The following NKAIN3 variants were observed in gnomAD, a reference collection of about 807,000 sequenced individuals.
NKAIN3 encodes sodium/potassium transporting ATPase interacting 3, also known as sodium/potassium-transporting ATPase subunit beta-1-interacting protein 3.
NKAIN3 carries 25 observed loss-of-function variants against 30.2 expected under a neutral mutation model. That is an observed-to-expected ratio of 0.83 (90% CI 0.60 to 1.16). NKAIN3 has a LOEUF of 1.16. NKAIN3 is among the 50% of genes most tolerant of loss of function. The pLI is 0.00. For synonymous variants in NKAIN3, 91 were observed against 89.6 expected (o/e 1.02, Z -0.09); for missense variants, 225 against 254.1 (o/e 0.89, Z 0.78).
chr8:62,638,099 A>G (rs1812189485), intron 3 of NKAIN3, among the ~76,000 whole-genome samples: 1 of 152,110 alleles, frequency 6.6e-6, no homozygotes, highest in Non-Finnish European at 1.5e-5. Context: ...TCCTCCAACT[A>G]TGAGTGTTCC....
chr8:62,725,836 T>C (rs896607197), intron 3 of NKAIN3, among the ~76,000 whole-genome samples: 3 of 152,104 alleles, frequency 2.0e-5, no homozygotes, highest in Non-Finnish European at 4.4e-5. Flanking sequence ...GTGTATTTTG[T>C]GGTTTCATAT....
chr8:62,610,499 C>T (rs1194811443), intron 3 of NKAIN3, among the ~76,000 whole-genome samples: 1 of 152,044 alleles, frequency 6.6e-6, no homozygotes, highest in African/African-American at 2.4e-5. Flanking sequence ...GTGTCACAGA[C>T]AGAATCTTTA....
At chr8:62,481,444 T>A (rs1869015) in intron 1 of NKAIN3, among the ~76,000 whole-genome samples, 12,077 of 152,142 alleles carry the variant, frequency 0.079, 566 homozygotes, top group African/African-American at 0.12. Flanking sequence ...ACTCTATCAT[T>A]GGACTTACCA....
At chr8:62,802,548 A>G (rs1165998780) in intron 4 of NKAIN3, among the ~76,000 whole-genome samples, 1 of 152,190 alleles carries the variant, frequency 6.6e-6, no homozygotes, top group African/African-American at 2.4e-5. Context: ...AAAATACTTT[A>G]CAGACAAGCA....
intron 1 of NKAIN3, among the ~76,000 whole-genome samples, chr8:62,256,183 G>A (rs1812254687): frequency 6.6e-6 from 1 of 151,934 alleles, no homozygotes; most frequent in Admixed American, 6.6e-5. Context: ...GAGACTGAGG[G>A]GGGAGGATCA....
intron 1 of NKAIN3, among the ~76,000 whole-genome samples, chr8:62,294,129 G>A (rs555321930): frequency 1.8e-4 from 27 of 152,266 alleles, no homozygotes; most frequent in South Asian, 4.1e-4. Context: ...TCCAGGTACC[G>A]TCTGTCACGG....
intron 3 of NKAIN3, among the ~76,000 whole-genome samples, chr8:62,693,051 T>G (rs1814032803): frequency 6.6e-6 from 1 of 152,186 alleles, no homozygotes; most frequent in Non-Finnish European, 1.5e-5. Context: ...ATCCTCTCTT[T>G]CCCTCATTTC....
chr8:62,858,410 C>T (rs1202887958), intron 4 of NKAIN3, among the ~76,000 whole-genome samples: 1 of 152,174 alleles, frequency 6.6e-6, no homozygotes, highest in Non-Finnish European at 1.5e-5. Flanking sequence ...TCTCTTCAGC[C>T]TCTGATCAGA....
intron 1 of NKAIN3, among the ~76,000 whole-genome samples, chr8:62,288,278 C>G (rs967426390): frequency 6.6e-6 from 1 of 152,106 alleles, no homozygotes; most frequent in African/African-American, 2.4e-5. Context: ...TTCTAGGGTA[C>G]AGGTGTACAA....
chr8:62,793,088 C>T (rs1203345655), intron 4 of NKAIN3, among the ~76,000 whole-genome samples: 1 of 151,956 alleles, frequency 6.6e-6, no homozygotes, highest in Non-Finnish European at 1.5e-5. Context: ...GAGTCTTAAG[C>T]CACCTTCAAC....
At chr8:62,797,888 A>G (rs1376975999) in intron 4 of NKAIN3, among the ~76,000 whole-genome samples, 2 of 152,172 alleles carry the variant, frequency 1.3e-5, no homozygotes, top group African/African-American at 4.8e-5. Context: ...ACCCTCACAC[A>G]AGGAGAATGC....
At chr8:62,949,079 C>G (rs1376507178) in intron 5 of NKAIN3, among the ~76,000 whole-genome samples, 1 of 152,154 alleles carries the variant, frequency 6.6e-6, no homozygotes, top group Admixed American at 6.5e-5. Flanking sequence ...CCCCATAGCC[C>G]CTGGAGGGCT....
chr8:62,498,550 C>A (rs1807314604), intron 1 of NKAIN3, among the ~76,000 whole-genome samples: 1 of 151,872 alleles, frequency 6.6e-6, no homozygotes, highest in Admixed American at 6.6e-5. Context: ...ACTATAATCT[C>A]ATTGGCTAAA....
chr8:62,467,793 T>C (rs1023919514), intron 1 of NKAIN3, among the ~76,000 whole-genome samples: 44 of 152,130 alleles, frequency 2.9e-4, no homozygotes, highest in South Asian at 4.2e-4. Context: ...TGAGACAAGG[T>C]TTCACTTTGT....
At chr8:62,527,265 G>A (rs1229553886) in intron 1 of NKAIN3, among the ~76,000 whole-genome samples, 3 of 152,118 alleles carry the variant, frequency 2.0e-5, no homozygotes, top group Non-Finnish European at 4.4e-5. Context: ...TCTAAATGGA[G>A]CAGACAAATC....
At chr8:62,705,894 G>T (rs1814503832) in intron 3 of NKAIN3, among the ~76,000 whole-genome samples, 1 of 151,918 alleles carries the variant, frequency 6.6e-6, no homozygotes, top group Admixed American at 6.6e-5. Flanking sequence ...TGTTTGTTTT[G>T]ATCTTTATGG....
chr8:62,773,241 A>G (rs886673038), intron 4 of NKAIN3, among the ~76,000 whole-genome samples: 11 of 151,982 alleles, frequency 7.2e-5, no homozygotes, highest in African/African-American at 2.4e-4. Flanking sequence ...GTATATGGAG[A>G]GAGATTGGAG....
intron 1 of NKAIN3, among the ~76,000 whole-genome samples, chr8:62,298,164 A>G (rs147515860): frequency 0.069 from 7,526 of 108,348 alleles, 741 homozygotes; most frequent in African/African-American, 0.24. Context: ...CACACTCTGG[A>G]GACTGTTGTG....
At chr8:62,486,968 C>T (rs368616348) in intron 1 of NKAIN3, among the ~76,000 whole-genome samples, 1 of 152,216 alleles carries the variant, frequency 6.6e-6, no homozygotes, top group East Asian at 1.9e-4. Flanking sequence ...AAACACTCAT[C>T]TCATGCAGAC....
Sources: allele counts gnomAD v4.1 joint callset (sites outside exome capture counted in the v4.1 genomes callset), GRCh38; gene constraint gnomAD v4.1.1; transcripts MANE v1.5; gene names NCBI Gene and HGNC (gene_info 2026-07-23, HGNC 2026-07-21).